The following PLCG2 variants were observed in gnomAD, a reference collection of about 807,000 sequenced individuals.
PLCG2 encodes the protein 1-phosphatidylinositol 4,5-bisphosphate phosphodiesterase gamma-2.
Under a neutral mutation model 175.6 loss-of-function variants are expected in PLCG2, and 69 were observed. That is an observed-to-expected ratio of 0.39 (90% CI 0.32 to 0.48). PLCG2 has a LOEUF of 0.48. Among genes scored for constraint, PLCG2 ranks in the 20% least tolerant of loss-of-function variants. The pLI is 0.91. For synonymous variants in PLCG2, 827 were observed against 624.0 expected, an observed-to-expected ratio of 1.33 and a Z score of -4.85; for missense variants, 1,798 against 1,650.9, an observed-to-expected ratio of 1.09 and a Z score of -1.54.
intron 2 of PLCG2, among the ~76,000 whole-genome samples, chr16:81,836,014 C>G (rs546884678): frequency 5.9e-5 from 9 of 152,260 alleles, no homozygotes; most frequent in African/African-American, 2.2e-4. Context: ...CAAAGAAGGC[C>G]ACATTCACAC....
chr16:81,743,332 C>T (rs1383034141), intron 1 of PLCG2, among the ~76,000 whole-genome samples: 3 of 152,184 alleles, frequency 2.0e-5, no homozygotes, highest in Non-Finnish European at 4.4e-5. Flanking sequence ...GTCTGGATGA[C>T]AGAGACAGAC....
At chr16:81,795,144 G>T (rs145327475) in intron 2 of PLCG2, among the ~76,000 whole-genome samples, 21 of 152,232 alleles carry the variant, frequency 1.4e-4, no homozygotes, top group African/African-American at 4.8e-4. Flanking sequence ...GGACCCTGAA[G>T]ATCTCTAGAG....
intron 30 of PLCG2, among the ~76,000 whole-genome samples, chr16:81,943,975 C>G (rs1911054943): frequency 1.3e-5 from 2 of 152,132 alleles, no homozygotes; most frequent in African/African-American, 2.4e-5. Context: ...CCCATGGGCT[C>G]ATTTTGAAGA....
At chr16:81,801,044 T>G (rs1178745898) in intron 2 of PLCG2, among the ~76,000 whole-genome samples, 1 of 152,162 alleles carries the variant, frequency 6.6e-6, no homozygotes, top group African/African-American at 2.4e-5. Flanking sequence ...GGAGAAAGCT[T>G]GTCCCAGTGA....
chr16:81,793,909 C>A (rs1248264036), intron 2 of PLCG2, among the ~76,000 whole-genome samples: 1 of 152,218 alleles, frequency 6.6e-6, no homozygotes, highest in African/African-American at 2.4e-5. Flanking sequence ...GTTTCAGTCT[C>A]AAGTCTTCTT....
intron 26 of PLCG2, chr16:81,935,420 G>A (rs184190327): frequency 8.9e-5 from 40 of 451,700 alleles, no homozygotes; most frequent in African/African-American, 8.3e-4. Context: ...ATCTTTGGGG[G>A]CCATTTAAAA....
At chr16:81,778,059 AAAAAC>A (rs1306733302), upstream of PLCG2, among the ~76,000 whole-genome samples, 248 of 95,730 alleles carry the variant, frequency 2.6e-3, 38 homozygotes, top group Middle Eastern at 8.7e-3. Flanking sequence ...AAAAAACAAA[AAAAAC>A]CAAAAACACA....
At chr16:81,816,956 C>G (rs988530340) in intron 2 of PLCG2, among the ~76,000 whole-genome samples, 2 of 152,098 alleles carry the variant, frequency 1.3e-5, no homozygotes, top group African/African-American at 4.8e-5. Context: ...CTGAGCTGGG[C>G]TTTTTTTCCT....
At chr16:81,913,550 G>A (rs1017636816) in intron 19 of PLCG2, among the ~76,000 whole-genome samples, 1 of 152,224 alleles carries the variant, frequency 6.6e-6, no homozygotes. Flanking sequence ...AGAGTCTCTA[G>A]CCAGAGGCCT....
At chr16:81,831,463 C>T (rs1037102136) in intron 2 of PLCG2, among the ~76,000 whole-genome samples, 1 of 152,224 alleles carries the variant, frequency 6.6e-6, no homozygotes, top group Non-Finnish European at 1.5e-5. Context: ...CTCCTTAAAT[C>T]CTCATGTCAA....
chr16:81,837,112 C>G (rs371233068), intron 2 of PLCG2, among the ~76,000 whole-genome samples: 1 of 152,186 alleles, frequency 6.6e-6, no homozygotes, highest in African/African-American at 2.4e-5. Context: ...GAACCTTTCT[C>G]TTGCTGTAAA....
chr16:81,900,272 G>A (rs146220031), intron 13 of PLCG2, among the ~76,000 whole-genome samples: 47 of 152,288 alleles, frequency 3.1e-4, no homozygotes, highest in African/African-American at 1.1e-3. Flanking sequence ...TTATTGTGCT[G>A]TCTGTTCATC....
rs752647511 is a variant in PLCG2 at position 81,937,909 on chromosome 16, G to A, written c.3198+6G>A. On this transcript the variant is annotated splice_donor_region_variant and intron_variant, in intron 28 of 32. Coordinates refer to ENST00000564138, the MANE Select transcript of PLCG2 (RefSeq NM_002661.5). The stretch of plus-strand genomic sequence containing the variant: ...TGATGACGCTGACAGTCAAGGTAAA[G>A]CCAGCCCTCCCTTCCTGCCAGGGGA... 1 of 1,613,732 alleles carries A rather than the reference G, an allele frequency of 6.2e-7. No individual in the cohort carries two copies.
At chr16:81,903,187 C>A (rs767049169) in intron 14 of PLCG2, among the ~76,000 whole-genome samples, 28 of 152,286 alleles carry the variant, frequency 1.8e-4, no homozygotes, top group Non-Finnish European at 4.1e-4. Context: ...GATGTCCTTC[C>A]AGGTTGGGAC....
chr16:81,756,779 C>G (rs1567694698), intron 2 of PLCG2, among the ~76,000 whole-genome samples: 1 of 152,180 alleles, frequency 6.6e-6, no homozygotes, highest in Non-Finnish European at 1.5e-5. Flanking sequence ...TGCGTTTGAG[C>G]CTAGATGTGT....
intron 2 of PLCG2, among the ~76,000 whole-genome samples, chr16:81,770,530 C>G (rs1364346016): frequency 6.6e-6 from 1 of 152,034 alleles, no homozygotes; most frequent in South Asian, 2.1e-4. Flanking sequence ...CTGGGTAACA[C>G]GATGAAACCT....
chr16:81,785,802 C>T (rs570773713), intron 1 of PLCG2, 141 bp from the exon 2 acceptor site: 73 of 573,486 alleles, frequency 1.3e-4, no homozygotes, highest in African/African-American at 1.2e-3. Flanking sequence ...GAGTGGCCAG[C>T]GATGCCTTGC....
chr16:81,865,522 C>T (rs907318968), intron 5 of PLCG2, among the ~76,000 whole-genome samples: 10 of 152,208 alleles, frequency 6.6e-5, no homozygotes, highest in Non-Finnish European at 2.9e-5. Context: ...CTTGGATGCT[C>T]AAGCCCCTGG....
At chr16:81,914,028 C>T (rs1909739224) in intron 19 of PLCG2, among the ~76,000 whole-genome samples, 1 of 152,232 alleles carries the variant, frequency 6.6e-6, no homozygotes, top group Admixed American at 6.5e-5. Context: ...ATTGGTGCCT[C>T]TGCCCTTTGC....
Sources: gnomAD v4.1 joint callset for allele counts (sites outside exome capture counted in the v4.1 genomes callset) on GRCh38, gnomAD v4.1.1 for gene constraint, MANE v1.5 for transcripts, NCBI Gene and HGNC (gene_info 2026-07-23, HGNC 2026-07-21) for gene names.